Variants in IL1RAPL2 observed in about 807,000 individuals in gnomAD.
IL1RAPL2 encodes the protein interleukin 1 receptor accessory protein like 2.
In IL1RAPL2, 3 loss-of-function variants were observed where a neutral mutation model predicts 44.1. That is an observed-to-expected ratio of 0.07 (90% CI 0.03 to 0.18). The LOEUF (loss-of-function observed/expected upper bound fraction) is 0.18, where lower values mean the gene tolerates loss of function less well. IL1RAPL2 is among the 10% of genes least tolerant of loss of function. The probability of loss-of-function intolerance (pLI) is 1.00; values close to 1 mark genes in which losing one functional copy is unlikely to be tolerated. For missense variants in IL1RAPL2, 391 were observed against 496.4 expected, an observed-to-expected ratio of 0.79 and a Z score of 2.02; for synonymous variants, 181 against 178.8, an observed-to-expected ratio of 1.01 and a Z score of -0.10.
At chrX:104,958,283 A>G (rs890149406) in intron 2 of IL1RAPL2, among the ~76,000 whole-genome samples, 3 of 109,002 alleles carry the variant, frequency 2.8e-5, no homozygotes, top group African/African-American at 1.0e-4. Flanking sequence ...ACTAGGGAGA[A>G]TAATAGACAG....
intron 2 of IL1RAPL2, among the ~76,000 whole-genome samples, chrX:104,673,339 A>G (rs1279133940): frequency 9.0e-6 from 1 of 111,258 alleles, no homozygotes; most frequent in Non-Finnish European, 1.9e-5. Context: ...TCCCAGCACC[A>G]TTTATTAAAT....
intron 2 of IL1RAPL2, among the ~76,000 whole-genome samples, chrX:104,843,426 T>TCGCTGGAGTTCCAGGTGC (rs1347184605): frequency 9.0e-6 from 1 of 110,930 alleles, no homozygotes; most frequent in African/African-American, 3.3e-5. Context: ...TTCTCCTGTC[T>TCGCTGGAGTTCCAGGTGC]CGCTGGAGTT....
chrX:104,989,130 G>A (rs928978098), intron 2 of IL1RAPL2, among the ~76,000 whole-genome samples: 1 of 111,475 alleles, frequency 9.0e-6, no homozygotes, highest in Admixed American at 9.6e-5. Context: ...TTGCTCTTTC[G>A]CTCATTCCTT....
chrX:105,137,421 G>A (rs1163949283), intron 2 of IL1RAPL2, among the ~76,000 whole-genome samples: 1 of 111,405 alleles, frequency 9.0e-6, no homozygotes, highest in Non-Finnish European at 1.9e-5. Flanking sequence ...TGACACACTG[G>A]GGGCTGGGAG....
intron 2 of IL1RAPL2, among the ~76,000 whole-genome samples, chrX:104,727,583 G>A (rs1209128666): frequency 9.0e-6 from 1 of 110,812 alleles, no homozygotes; most frequent in East Asian, 2.8e-4. Context: ...CCACTACTAG[G>A]TATCTACCCA....
At chrX:104,705,057 G>A (rs1423813683) in intron 2 of IL1RAPL2, among the ~76,000 whole-genome samples, 1 of 111,722 alleles carries the variant, frequency 9.0e-6, no homozygotes, top group Admixed American at 9.5e-5. Flanking sequence ...AGGGGGAGGA[G>A]AAGGTATGCT....
chrX:105,389,454 A>T (rs768758075), intron 5 of IL1RAPL2, among the ~76,000 whole-genome samples: 46 of 112,187 alleles, frequency 4.1e-4, no homozygotes, highest in African/African-American at 1.5e-3. Context: ...TAACTTGATT[A>T]TGTACAGTTG....
intron 2 of IL1RAPL2, among the ~76,000 whole-genome samples, chrX:104,882,988 G>A (rs1303156584): frequency 9.0e-6 from 1 of 111,154 alleles, no homozygotes. Flanking sequence ...AGAACCCACT[G>A]GAAGGAAGAA....
intron 2 of IL1RAPL2, among the ~76,000 whole-genome samples, chrX:104,847,176 T>G (rs1340178844): frequency 2.7e-5 from 3 of 112,047 alleles, no homozygotes; most frequent in Non-Finnish European, 3.8e-5. Context: ...TCCTTTTGCT[T>G]TGCAGAAGCT....
At chrX:105,051,295 G>A (rs2031920495) in intron 2 of IL1RAPL2, among the ~76,000 whole-genome samples, 1 of 37,819 alleles carries the variant, frequency 2.6e-5, no homozygotes, top group African/African-American at 1.1e-4. Flanking sequence ...GGACTGGGGG[G>A]TCATGTCTGC....
At chrX:105,319,787 G>A (rs892837605) in intron 5 of IL1RAPL2, among the ~76,000 whole-genome samples, 1 of 111,948 alleles carries the variant, frequency 8.9e-6, no homozygotes, top group African/African-American at 3.2e-5. Context: ...AAATAACGCT[G>A]TGCACACTCA....
intron 2 of IL1RAPL2, among the ~76,000 whole-genome samples, chrX:104,776,321 C>A (rs1006941304): frequency 6.3e-5 from 7 of 111,557 alleles, no homozygotes; most frequent in Admixed American, 4.8e-4. Flanking sequence ...TGAAGACATC[C>A]AATTGTACTT....
intron 2 of IL1RAPL2, among the ~76,000 whole-genome samples, chrX:104,933,423 G>A (rs1924955331): frequency 9.0e-6 from 1 of 111,295 alleles, no homozygotes; most frequent in Non-Finnish European, 1.9e-5. Flanking sequence ...TAGCTAGAAG[G>A]CTGGACACCA....
At chrX:105,599,600 A>G (rs2037235972) in intron 6 of IL1RAPL2, among the ~76,000 whole-genome samples, 1 of 111,423 alleles carries the variant, frequency 9.0e-6, no homozygotes, top group African/African-American at 3.3e-5. Flanking sequence ...AAATAATATT[A>G]TATTTCAATC....
chrX:104,991,085 C>A (rs1395521267), intron 2 of IL1RAPL2, among the ~76,000 whole-genome samples: 1 of 111,427 alleles, frequency 9.0e-6, no homozygotes, highest in African/African-American at 3.3e-5. Flanking sequence ...AGGAATAATG[C>A]TAGACAGCAT....
chrX:104,674,151 G>C (rs1195034503), intron 2 of IL1RAPL2, among the ~76,000 whole-genome samples: 3 of 111,998 alleles, frequency 2.7e-5, no homozygotes, highest in Non-Finnish European at 5.6e-5. Flanking sequence ...GAGGAGTGTT[G>C]AGAGAGGGCA....
chrX:105,133,054 C>T (rs1053522637), intron 2 of IL1RAPL2, among the ~76,000 whole-genome samples: 2 of 112,024 alleles, frequency 1.8e-5, no homozygotes, highest in Non-Finnish European at 3.8e-5. Context: ...TTCGGAATCA[C>T]CACCGTTGTT....
Position 104,959,580 on chromosome X carries a change from T to C in IL1RAPL2, c.83-235895T>C, listed in dbSNP as rs142504945. Among the ~76,000 whole-genome samples the C allele has an allele frequency of 2.8e-3, 317 of 111,694 alleles. 1 individual carries two copies. Among genetic ancestry groups the C allele is most frequent in the African/African-American group, 9.7e-3 (299 of 30,715 alleles). The stretch of plus-strand genomic sequence containing the variant: ...AAGATATGCCTCTTTTCCAATATTA[T>C]GTGTGCTTGTTTGACTTAGTACGTA... On this transcript the variant is annotated intron_variant, in intron 2 of 10. Transcript: ENST00000372582.
intron 7 of IL1RAPL2, among the ~76,000 whole-genome samples, chrX:105,732,426 T>C (rs140067994): frequency 0.015 from 1,653 of 109,891 alleles, 34 homozygotes; most frequent in African/African-American, 0.052. Context: ...TGAGTTATTG[T>C]GAGATCTGGT....
Sources: gnomAD v4.1 joint callset for allele counts (sites outside exome capture counted in the v4.1 genomes callset) on GRCh38, gnomAD v4.1.1 for gene constraint, MANE v1.5 for transcripts, NCBI Gene and HGNC (gene_info 2026-07-23, HGNC 2026-07-21) for gene names.